Variants in PLB1 observed in about 807,000 individuals in gnomAD.
The protein encoded by PLB1 is phospholipase B1, membrane-associated.
Under a neutral mutation model 227.4 loss-of-function variants are expected in PLB1, and 242 were observed. That is an observed-to-expected ratio of 1.06 (90% CI 0.96 to 1.18). The LOEUF (loss-of-function observed/expected upper bound fraction) is 1.18. Ranked by LOEUF, PLB1 falls within the 50% of genes most tolerant of loss-of-function variation. The probability of loss-of-function intolerance (pLI) is 0.00; values close to 1 mark genes in which losing one functional copy is unlikely to be tolerated. For missense variants in PLB1, 1,858 were observed against 1,816.3 expected (o/e 1.02, Z -0.42); for synonymous variants, 757 against 682.2 (o/e 1.11, Z -1.71).
At chr2:28,592,639 G>A (rs1339483948) in intron 31 of PLB1, 22 bp from the exon 32 acceptor site, 1 of 1,613,640 alleles carries the variant, frequency 6.2e-7, no homozygotes, top group Admixed American at 1.7e-5. Flanking sequence ...GCAGCCCTAA[G>A]TGTGTCCACT....
At chr2:28,531,963 C>T (rs1430081951) in intron 8 of PLB1, 145 bp from the exon 9 acceptor site, 3 of 609,278 alleles carry the variant, frequency 4.9e-6, no homozygotes, top group East Asian at 2.9e-5. Flanking sequence ...CTTTAAACTC[C>T]TGCCATATAC....
chr2:28,566,839 A>G lies in PLB1; in HGVS notation c.1324A>G (p.Asn442Asp). 1 of 1,613,760 alleles carries G rather than the reference A, an allele frequency of 6.2e-7. No homozygotes were observed. Among genetic ancestry groups the G allele is most frequent in the Non-Finnish European group, 8.5e-7 (1 of 1,179,960 alleles). ...ENIGTVTTLA[N>D]ILREFNPSLK... ...CATCGGCACCGTTACCACCCTGGCG[A>G]GTGAGTACGCGGCGGCGGCCGGGAT... Residue 442 changes from asparagine to aspartate, a missense_variant and splice_region_variant, in exon 20 of 58, where the codon AAC becomes GAC. Physicochemically the swap from Asn to Asp is conservative, Grantham distance 23. Transcript: ENST00000327757.
chr2:28,518,368 T>C (rs767921252), intron 2 of PLB1, 98 bp from the exon 3 acceptor site: 3 of 913,354 alleles, frequency 3.3e-6, no homozygotes, highest in Non-Finnish European at 3.6e-6. Context: ...TGAGCCTAGA[T>C]AGAATGAGTA....
At chr2:28,553,450 G>C (rs1410546348) in intron 17 of PLB1, among the ~76,000 whole-genome samples, 2 of 152,208 alleles carry the variant, frequency 1.3e-5, no homozygotes, top group South Asian at 4.1e-4. Context: ...CATCTTCACT[G>C]CCTCTCAGTA....
intron 54 of PLB1, among the ~76,000 whole-genome samples, chr2:28,631,711 G>T (rs1043072899): frequency 1.3e-5 from 2 of 152,070 alleles, no homozygotes; most frequent in Non-Finnish European, 2.9e-5. Context: ...TATGCAATCT[G>T]GTCAGTGGCT....
At chr2:28,580,493 T>C (rs1679742916) in intron 23 of PLB1, among the ~76,000 whole-genome samples, 2 of 152,184 alleles carry the variant, frequency 1.3e-5, no homozygotes, top group African/African-American at 4.8e-5. Context: ...GGCAGGCAGA[T>C]TACCTGAGGT....
In PLB1 at chr2:28,591,116, C is replaced by A. The variant is rs150008300; in HGVS notation, c.2089-17C>A. 1 of 1,613,884 alleles carries A rather than the reference C, an allele frequency of 6.2e-7. No homozygotes were observed. Among genetic ancestry groups the A allele is most frequent in the Middle Eastern group, 1.7e-4 (1 of 6,056 alleles). On this transcript the variant is annotated splice_polypyrimidine_tract_variant and intron_variant, in intron 29 of 57. Transcript: ENST00000327757. Reference sequence around the variant, plus strand: ...GAGCAGAATTTGCTGCCATTGCTCACCCCCCTCTCCTCACAGGTCCAGCCG... The same window carrying A: ...GAGCAGAATTTGCTGCCATTGCTCAACCCCCTCTCCTCACAGGTCCAGCCG...
intron 4 of PLB1, among the ~76,000 whole-genome samples, chr2:28,524,330 T>C (rs1436360880): frequency 6.6e-6 from 1 of 152,188 alleles, no homozygotes; most frequent in East Asian, 1.9e-4. Context: ...TGGGCACAAT[T>C]CCAAGCTTTC....
intron 56 of PLB1, among the ~76,000 whole-genome samples, chr2:28,637,744 TCCTTCTCCTGGATTGC>T (rs1454099085): frequency 1.3e-5 from 2 of 152,188 alleles, no homozygotes; most frequent in Non-Finnish European, 2.9e-5. Context: ...CTTGCTCTCC[TCCTTCTCCTGGATTGC>T]CCTTCTCACC....
intron 54 of PLB1, 35 bp downstream of exon 54, chr2:28,630,699 TG>T: frequency 3.8e-6 from 6 of 1,577,376 alleles, no homozygotes; most frequent in Admixed American, 1.8e-5. Flanking sequence ...CTGACCCAGC[TG>T]GGGGGCCCCC....
At chr2:28,544,486 A>G (rs1672944710) in intron 14 of PLB1, among the ~76,000 whole-genome samples, 1 of 152,152 alleles carries the variant, frequency 6.6e-6, no homozygotes, top group African/African-American at 2.4e-5. Context: ...GTACCACCAT[A>G]CCACCTTGTA....
At chr2:28,563,144 G>A (rs1348516510) in intron 18 of PLB1, 45 bp downstream of exon 18, 3 of 1,559,904 alleles carry the variant, frequency 1.9e-6, no homozygotes, top group Non-Finnish European at 1.8e-6. Context: ...AAAAGATTTT[G>A]ACTAATATGA....
chr2:28,640,912 T>G lies in PLB1; in HGVS notation c.4099-15T>G. The G allele has an allele frequency of 1.2e-6, 2 of 1,610,962 alleles. No individual in the cohort carries two copies. Among genetic ancestry groups the G allele is most frequent in the Non-Finnish European group, 1.7e-6 (2 of 1,178,090 alleles). ...AGCTTTGGAGAGAATCGAGGTGTCC[T>G]TTCTCTCTCTCCAGCTGGAACCAGT... is the stretch of plus-strand genomic sequence containing the variant. On this transcript the variant is annotated splice_polypyrimidine_tract_variant and intron_variant, in intron 56 of 57. Coordinates refer to ENST00000327757, the MANE Select transcript of PLB1 (RefSeq NM_153021.5).
At chr2:28,626,355 C>A in intron 50 of PLB1, 73 bp from the exon 51 acceptor site, 1 of 1,281,940 alleles carries the variant, frequency 7.8e-7, no homozygotes, top group South Asian at 1.2e-5. Context: ...GGAGGGCGGG[C>A]GGGCTGGCCC....
intron 51 of PLB1, 102 bp downstream of exon 51, chr2:28,626,610 C>T (rs985134802): frequency 4.6e-6 from 4 of 863,198 alleles, no homozygotes; most frequent in Non-Finnish European, 7.2e-6. Context: ...GCTCCTTGCT[C>T]ATGGGAACCA....
At chr2:28,625,158 G>C in intron 50 of PLB1, 50 bp downstream of exon 50, 1 of 1,548,984 alleles carries the variant, frequency 6.5e-7, no homozygotes, top group South Asian at 1.1e-5. Flanking sequence ...TCTCCTGCTG[G>C]CTGGGGAGGG....
At chr2:28,566,938 C>G in intron 20 of PLB1, 99 bp downstream of exon 20, 1 of 1,376,782 alleles carries the variant, frequency 7.3e-7, no homozygotes, top group Non-Finnish European at 1.0e-6. Context: ...GGAGCCCCGG[C>G]TGCAGGAGCC....
chr2:28,538,108 G>T (rs1265239989), intron 9 of PLB1, among the ~76,000 whole-genome samples: 1 of 152,164 alleles, frequency 6.6e-6, no homozygotes, highest in African/African-American at 2.4e-5. Context: ...TTTCCCAGGT[G>T]GATGATGGGT....
chr2:28,591,840 C>A, intron 31 of PLB1, 80 bp downstream of exon 31: 1 of 1,388,196 alleles, frequency 7.2e-7, no homozygotes, highest in Admixed American at 1.7e-5. Flanking sequence ...ACCTGACTTT[C>A]ACACTCACTA....
Sources: gnomAD v4.1 joint callset for allele counts (sites outside exome capture counted in the v4.1 genomes callset) on GRCh38, gnomAD v4.1.1 for gene constraint, MANE v1.5 for transcripts, NCBI Gene and HGNC (gene_info 2026-07-23, HGNC 2026-07-21) for gene names.